Variants in PDE6A observed in about 807,000 individuals in gnomAD.
The protein encoded by PDE6A is phosphodiesterase 6A.
A neutral mutation model predicts 106.3 loss-of-function variants in PDE6A; 84 were observed. The ratio of observed to expected loss-of-function variants is 0.79; its 90% CI spans 0.66 to 0.95. The LOEUF is 0.95. PDE6A is among the 40% of genes least tolerant of loss of function. The pLI, the probability that PDE6A is intolerant of heterozygous loss-of-function variation, is 0.00. For missense variants in PDE6A, 1,052 were observed against 1,084.9 expected (o/e 0.97, Z 0.43); for synonymous variants, 394 against 386.6 (o/e 1.02, Z -0.23).
chr5:149,887,113 G>A (rs980430671), intron 13 of PDE6A, among the ~76,000 whole-genome samples: 9 of 152,072 alleles, frequency 5.9e-5, no homozygotes, highest in African/African-American at 1.7e-4. Context: ...AAAAGTCTCC[G>A]AACCCTCTCA....
At chr5:149,911,835 C>T (rs1201585056) in intron 6 of PDE6A, among the ~76,000 whole-genome samples, 2 of 100,910 alleles carry the variant, frequency 2.0e-5, no homozygotes, top group Admixed American at 1.3e-4. Flanking sequence ...GACCCCATCT[C>T]TATTACCAAA....
At chr5:149,905,039 A>C (rs867008507) in intron 7 of PDE6A, among the ~76,000 whole-genome samples, 1 of 152,062 alleles carries the variant, frequency 6.6e-6, no homozygotes, top group African/African-American at 2.4e-5. Context: ...TCCAGTGCCA[A>C]ACCCAATGAG....
At chr5:149,884,207 T>TAC (rs1308582999) in intron 16 of PDE6A, among the ~76,000 whole-genome samples, 2 of 146,912 alleles carry the variant, frequency 1.4e-5, no homozygotes, top group African/African-American at 5.0e-5. Context: ...AAAATATATA[T>TAC]ATATATATAC....
chr5:149,942,937 C>T (rs960398073), intron 1 of PDE6A, among the ~76,000 whole-genome samples: 3 of 151,612 alleles, frequency 2.0e-5, no homozygotes, highest in Admixed American at 6.6e-5. Context: ...GGTTTTACAC[C>T]GAGACATTCC....
At chr5:149,911,842 CA>C (rs11430549) in intron 6 of PDE6A, among the ~76,000 whole-genome samples, 2,136 of 66,052 alleles carry the variant, frequency 0.032, 31 homozygotes, top group African/African-American at 0.1. Context: ...TCTCTATTAC[CA>C]AAAAAAAAAA....
intron 3 of PDE6A, 139 bp from the exon 4 acceptor site, chr5:149,931,307 G>T: frequency 1.3e-6 from 1 of 771,632 alleles, no homozygotes; most frequent in Non-Finnish European, 2.1e-6. Flanking sequence ...GAAATAGACA[G>T]GTTAACTATC....
chr5:149,943,427 A>C (rs1311198040), intron 1 of PDE6A, among the ~76,000 whole-genome samples: 2 of 152,178 alleles, frequency 1.3e-5, no homozygotes, highest in Non-Finnish European at 2.9e-5. Context: ...TTCTACATAG[A>C]CACAGTAACA....
chr5:149,878,470 G>A (rs1006783238), intron 17 of PDE6A, among the ~76,000 whole-genome samples: 8 of 152,124 alleles, frequency 5.3e-5, no homozygotes, highest in East Asian at 1.9e-4. Flanking sequence ...AGACAATGCT[G>A]CAACAAACAA....
intron 14 of PDE6A, among the ~76,000 whole-genome samples, chr5:149,885,329 C>T (rs938403072): frequency 6.6e-6 from 1 of 152,208 alleles, no homozygotes; most frequent in Non-Finnish European, 1.5e-5. Context: ...GAATTCAGAG[C>T]TTGTTAATGA....
In PDE6A at chr5:149,921,016, C is replaced by T. The variant is rs185476705; in HGVS notation, c.933+619G>A. Among the ~76,000 whole-genome samples the T allele has an allele frequency of 6.1e-5, 8 of 131,648 alleles. No homozygotes were observed. The East Asian group carries it at 1.4e-3, about 23-fold the overall frequency. The allele number at this position is 131,648 out of a possible 152,430, so 86.4% of individuals were successfully genotyped here. ...AAAGAAAAAGAAAGAAAATAGAAAA[C>T]CTACGTAGCCAAGCAAGTGTATCTG... On this transcript the variant is annotated intron_variant, in intron 5 of 21. Coordinates refer to ENST00000255266, the MANE Select transcript of PDE6A (RefSeq NM_000440.3).
At position 149,868,306 on chromosome 5, in the gene PDE6A, G is replaced by T; in HGVS notation, c.2136-148C>A. ...AGGGCTCACCCCCATTGCATCCAGG[G>T]GTTGGGCTTTGAAATCAAACAGGGT... is the stretch of plus-strand genomic sequence containing the variant. On this transcript the variant is annotated intron_variant, in intron 17 of 21. Transcript: ENST00000255266. 4 of 774,776 alleles carry T rather than the reference G, an allele frequency of 5.2e-6. No individual in the cohort carries two copies. In the East Asian group the frequency reaches 8.0e-5, roughly 16 times the overall value. 48.0% of individuals were successfully genotyped at this position (774,776 alleles called of 1,614,324 possible).
intron 6 of PDE6A, 121 bp from the exon 7 acceptor site, chr5:149,907,499 C>T: frequency 1.3e-6 from 1 of 759,700 alleles, no homozygotes; most frequent in South Asian, 1.4e-5. Flanking sequence ...CTTACATTCA[C>T]TACACCTGAC....
rs1288460975 is a variant in PDE6A, at chr5:149,859,492, T to C, written c.*1403A>G. ...CTTGGGGAAGGGAAGGAAATAGGAG[T>C]GGGCAGAGGGAGAAGTCGAGTTGGG... On this transcript the variant is annotated 3_prime_UTR_variant, in exon 22 of 22. Transcript: ENST00000255266. 1.3e-5 allele frequency: 2 copies of C among 151,830 alleles called. No homozygotes were observed. The highest frequency in any genetic ancestry group is 4.8e-5 in the African/African-American group (2 of 41,284). The allele number at this position is 151,830 out of a possible 1,614,324, so 9.4% of individuals were successfully genotyped here. A position where few individuals can be genotyped will look rare whatever the true frequency, so the allele number is the denominator to read the frequency against.
chr5:149,937,190 G>A (rs1364818380), intron 1 of PDE6A, among the ~76,000 whole-genome samples: 6 of 152,136 alleles, frequency 3.9e-5, no homozygotes, highest in African/African-American at 9.7e-5. Context: ...TTCTAAGCAC[G>A]GAGCATGCAA....
At chr5:149,917,521 GC>G (rs1389471398) in intron 5 of PDE6A, among the ~76,000 whole-genome samples, 1 of 152,136 alleles carries the variant, frequency 6.6e-6, no homozygotes, top group Non-Finnish European at 1.5e-5. Flanking sequence ...GCTGCTCAAA[GC>G]CTAGCATTGG....
chr5:149,905,330 C>T (rs1004192126), intron 7 of PDE6A, among the ~76,000 whole-genome samples: 3 of 152,184 alleles, frequency 2.0e-5, no homozygotes, highest in African/African-American at 7.2e-5. Flanking sequence ...TAATTTCAAA[C>T]ACCATCTGGT....
rs1760074338 is a variant in PDE6A, at chr5:149,860,050, G to A, written c.*845C>T. 1 of 152,178 alleles carries A rather than the reference G, an allele frequency of 6.6e-6. No individual in the cohort carries two copies. The highest frequency in any genetic ancestry group is 1.9e-4 in the East Asian group (1 of 5,188). 9.4% of individuals were successfully genotyped at this position (152,178 alleles called of 1,614,324 possible). On this transcript the variant is annotated 3_prime_UTR_variant, in exon 22 of 22. Transcript: ENST00000255266. ...CTCCCAGGTAGCTGAGACTACAGGT[G>A]AGTGCTAATTTTTGTATTTTTTGTA...
At chr5:149,928,363 G>C (rs1753932185) in intron 4 of PDE6A, among the ~76,000 whole-genome samples, 2 of 149,278 alleles carry the variant, frequency 1.3e-5, no homozygotes, top group Non-Finnish European at 3.0e-5. Context: ...TCAGCCTCCT[G>C]AGTAGCTGGG....
chr5:149,895,169 C>T lies in PDE6A; in HGVS notation c.1728+14G>A, dbSNP rs889172740. ...TGCAAGCCCACCCTACCAGCCCCACCGGCCCCGCCATACCACCAGCAGGGA... is the reference window on the plus strand; with the variant it reads ...TGCAAGCCCACCCTACCAGCCCCACTGGCCCCGCCATACCACCAGCAGGGA... On this transcript the variant is annotated intron_variant, in intron 13 of 21. Coordinates refer to ENST00000255266, the MANE Select transcript of PDE6A (RefSeq NM_000440.3). The T allele has an allele frequency of 2.8e-5, 44 of 1,566,490 alleles. No homozygotes were observed. The highest frequency in any genetic ancestry group is 3.3e-5 in the Non-Finnish European group (38 of 1,136,530).
Sources: gnomAD v4.1 joint callset for allele counts (sites outside exome capture counted in the v4.1 genomes callset) on GRCh38, gnomAD v4.1.1 for gene constraint, MANE v1.5 for transcripts, NCBI Gene and HGNC (gene_info 2026-07-23, HGNC 2026-07-21) for gene names.